Variants in RIMS1 observed in about 807,000 individuals in gnomAD.
RIMS1 encodes regulating synaptic membrane exocytosis 1.
RIMS1 carries 83 observed loss-of-function variants against 214.1 expected under a neutral mutation model. The observed-to-expected ratio is 0.39, with a 90% CI of 0.32 to 0.47. The LOEUF is 0.47. Ranked by LOEUF, RIMS1 falls within the 20% of genes least tolerant of loss-of-function variation. The pLI is 0.99. For missense variants in RIMS1, 2,050 were observed against 2,161.8 expected, an observed-to-expected ratio of 0.95 and a Z score of 1.03; for synonymous variants, 793 against 786.8, an observed-to-expected ratio of 1.01 and a Z score of -0.13.
At chr6:71,922,132 CAA>C (rs1780191964) in intron 1 of RIMS1, among the ~76,000 whole-genome samples, 1 of 152,132 alleles carries the variant, frequency 6.6e-6, no homozygotes, top group Non-Finnish European at 1.5e-5. Flanking sequence ...AGTTCTTCCT[CAA>C]GTCATTTTTC....
chr6:71,986,897 T>C (rs925699436), intron 2 of RIMS1, among the ~76,000 whole-genome samples: 1 of 152,236 alleles, frequency 6.6e-6, no homozygotes. Flanking sequence ...GGTCTGAAAC[T>C]CTGGGCAGAA....
chr6:72,119,112 C>T lies in RIMS1; in HGVS notation c.471+19126C>T, dbSNP rs760509254. Among the ~76,000 whole-genome samples, 4 of 151,700 alleles carry T rather than the reference C, an allele frequency of 2.6e-5. 1 individual carries two copies. The highest frequency in any genetic ancestry group is 5.9e-5 in the Non-Finnish European group (4 of 67,822). ...CCAAAAAGCTCCTAGAGCTTATAAA[C>T]GAATTCAGTGAAGTCTCAGGATACA... is the stretch of plus-strand genomic sequence containing the variant. On this transcript the variant is annotated intron_variant, in intron 4 of 33. Transcript: ENST00000521978.
chr6:72,300,414 T>C (rs2094497642), intron 26 of RIMS1, among the ~76,000 whole-genome samples: 1 of 151,786 alleles, frequency 6.6e-6, no homozygotes, highest in East Asian at 1.9e-4. Context: ...CTTTCAAAAA[T>C]CAAATTTAAA....
At chr6:72,169,203 A>T (rs1207810872) in intron 4 of RIMS1, among the ~76,000 whole-genome samples, 1 of 152,218 alleles carries the variant, frequency 6.6e-6, no homozygotes, top group East Asian at 1.9e-4. Flanking sequence ...AATTCTATTT[A>T]TATTTTTATC....
At chr6:72,144,971 G>C (rs2042549659) in intron 4 of RIMS1, among the ~76,000 whole-genome samples, 1 of 149,812 alleles carries the variant, frequency 6.7e-6, no homozygotes, top group South Asian at 2.1e-4. Flanking sequence ...CACAACCTCT[G>C]CCTCCTGTGT....
intron 27 of RIMS1, 76 bp downstream of exon 27, chr6:72,307,446 C>A: frequency 2.2e-6 from 2 of 924,248 alleles, no homozygotes; most frequent in Non-Finnish European, 3.3e-6. Context: ...GATTAGAAAG[C>A]ACCGAATTAT....
chr6:72,148,977 A>G (rs1375864675), intron 4 of RIMS1, among the ~76,000 whole-genome samples: 1 of 151,950 alleles, frequency 6.6e-6, no homozygotes, highest in Admixed American at 6.6e-5. Flanking sequence ...CTGCCCTAGT[A>G]AGATGCCTCC....
intron 24 of RIMS1, among the ~76,000 whole-genome samples, chr6:72,287,751 G>A (rs996118758): frequency 1.3e-5 from 2 of 151,858 alleles, no homozygotes; most frequent in African/African-American, 2.4e-5. Flanking sequence ...CGTGCTATAC[G>A]CCCGGCTAAT....
chr6:72,362,793 G>C (rs1340421249), intron 29 of RIMS1, among the ~76,000 whole-genome samples: 1 of 152,112 alleles, frequency 6.6e-6, no homozygotes, highest in African/African-American at 2.4e-5. Flanking sequence ...CTATAGTTCA[G>C]TTGTTCAATT....
chr6:72,291,369 T>G (rs187308867), intron 25 of RIMS1, among the ~76,000 whole-genome samples: 8 of 152,330 alleles, frequency 5.3e-5, no homozygotes, highest in Non-Finnish European at 8.8e-5. Flanking sequence ...ATTTGTAATT[T>G]TAATGCTAGC....
chr6:72,068,163 G>GC (rs1829765115), intron 2 of RIMS1, among the ~76,000 whole-genome samples: 1 of 152,116 alleles, frequency 6.6e-6, no homozygotes, highest in Non-Finnish European at 1.5e-5. Flanking sequence ...AATTTTTTTG[G>GC]TCCATGGTAA....
At chr6:72,068,425 A>G (rs765999583) in intron 2 of RIMS1, among the ~76,000 whole-genome samples, 2 of 152,196 alleles carry the variant, frequency 1.3e-5, no homozygotes, top group Non-Finnish European at 2.9e-5. Flanking sequence ...TTACACACTA[A>G]TTGCAGGTCT....
rs199933558 is a variant in RIMS1, at chr6:72,291,942, G to A, written c.3746G>A (p.Arg1249Gln). The A allele has an allele frequency of 8.1e-5, 126 of 1,557,868 alleles. No individual in the cohort carries two copies. Among genetic ancestry groups the A allele is most frequent in the Non-Finnish European group, 1.0e-4 (117 of 1,150,840 alleles). ...TTGCTTTTTGCCTGCAGAATGCACC[G>A]ACAGAGAAGTCCAACACAATCTCCT... is the stretch of plus-strand genomic sequence containing the variant. ...PPSPLLTRMH[R>Q]QRSPTQSPPA... is the part of the protein sequence containing the mutation. The change falls in exon 26 of 34, where the codon CGA (arginine) becomes CAA (glutamine). Residue 1249 changes from arginine (R) to glutamine (Q), a missense_variant. Physicochemically the swap from Arg to Gln is conservative, Grantham distance 43. Around this residue, in one of 6 missense-constraint regions of RIMS1, gnomAD observed 889 missense variants for 885.5 expected, o/e 1.00. Transcript: ENST00000521978.
intron 16 of RIMS1, 94 bp from the exon 17 acceptor site, chr6:72,258,031 C>A: frequency 8.8e-7 from 1 of 1,134,232 alleles, no homozygotes; most frequent in Non-Finnish European, 1.3e-6. Flanking sequence ...CTTCATAGAT[C>A]AATGGCTGCT....
At chr6:72,017,474 T>A (rs1813148134) in intron 2 of RIMS1, among the ~76,000 whole-genome samples, 1 of 152,190 alleles carries the variant, frequency 6.6e-6, no homozygotes, top group Non-Finnish European at 1.5e-5. Context: ...AAATAAGAAA[T>A]AATGCACACA....
At chr6:72,083,329 TC>T (rs1216074267) in intron 2 of RIMS1, among the ~76,000 whole-genome samples, 5 of 152,078 alleles carry the variant, frequency 3.3e-5, no homozygotes, top group East Asian at 1.9e-4. Flanking sequence ...GAATCTCCTT[TC>T]TTTTTTTTTG....
intron 2 of RIMS1, among the ~76,000 whole-genome samples, chr6:72,076,767 C>A (rs1831998265): frequency 6.6e-6 from 1 of 152,040 alleles, no homozygotes; most frequent in Non-Finnish European, 1.5e-5. Context: ...TAAAAAAATC[C>A]TCAGCTTGAC....
At chr6:72,287,417 A>G (rs559865374) in intron 24 of RIMS1, among the ~76,000 whole-genome samples, 1 of 152,318 alleles carries the variant, frequency 6.6e-6, no homozygotes, top group African/African-American at 2.4e-5. Context: ...ATGTCTGACT[A>G]AAGACGCAAA....
intron 2 of RIMS1, among the ~76,000 whole-genome samples, chr6:72,060,129 AT>A (rs1172641868): frequency 2.7e-5 from 4 of 150,720 alleles, no homozygotes; most frequent in Admixed American, 6.6e-5. Flanking sequence ...TATTATTATT[AT>A]TTATTTATTT....
Sources: allele counts gnomAD v4.1 joint callset (sites outside exome capture counted in the v4.1 genomes callset), GRCh38; gene constraint gnomAD v4.1.1; regional missense constraint gnomAD v4.1.1; transcripts MANE v1.5; gene names NCBI Gene and HGNC (gene_info 2026-07-23, HGNC 2026-07-21).